Variants in PPP6R1 observed in about 807,000 individuals in gnomAD.
PPP6R1 encodes protein phosphatase 6 regulatory subunit 1.
In PPP6R1, 39 loss-of-function variants were observed where a neutral mutation model predicts 104.6. The observed-to-expected ratio is 0.37, with a 90% CI of 0.29 to 0.49. The LOEUF (loss-of-function observed/expected upper bound fraction) is 0.49, where lower values mean the gene tolerates loss of function less well. Among genes scored for constraint, PPP6R1 ranks in the 20% least tolerant of loss-of-function variants. PPP6R1 has a pLI of 0.98. For synonymous variants in PPP6R1, 549 were observed against 479.0 expected (o/e 1.15, Z -1.91); for missense variants, 1,181 against 1,155.8 (o/e 1.02, Z -0.32).
chr19:55,243,088 G>C (rs1256766140), intron 5 of PPP6R1, among the ~76,000 whole-genome samples: 1 of 152,184 alleles, frequency 6.6e-6, no homozygotes, highest in Non-Finnish European at 1.5e-5. Flanking sequence ...GGCTGGGTGT[G>C]ATGGCACATG....
chr19:55,257,577 C>G (rs755940300), intron 1 of PPP6R1, among the ~76,000 whole-genome samples: 10 of 152,202 alleles, frequency 6.6e-5, no homozygotes, highest in South Asian at 2.1e-4. Context: ...TCCTTCCCCC[C>G]CCGGAAGGCC....
rs547623587 is a variant in PPP6R1, at chr19:55,242,069, G to C, written c.845+97C>G. 4 of 1,163,864 alleles carry C rather than the reference G, an allele frequency of 3.4e-6. No homozygotes were observed. In the African/African-American group the frequency reaches 6.2e-5, roughly 18 times the overall value. The allele number at this position is 1,163,864 out of a possible 1,614,324, so 72.1% of individuals were successfully genotyped here. On this transcript the variant is annotated intron_variant, in intron 7 of 23. Coordinates refer to ENST00000412770, the MANE Select transcript of PPP6R1 (RefSeq NM_014931.4). ...AGCCACAGAGCAAGGTGCCACGGGC[G>C]GGGATTTCTCTTGGTGGACACCGAG...
At chr19:55,246,785 A>G in intron 2 of PPP6R1, 92 bp downstream of exon 2, 1 of 1,203,020 alleles carries the variant, frequency 8.3e-7, no homozygotes, top group Non-Finnish European at 1.1e-6. Context: ...GTTTACTGAC[A>G]CTGACGCATT....
intron 15 of PPP6R1, among the ~76,000 whole-genome samples, chr19:55,238,056 TTTCTTC>T (rs774594249): frequency 1.1e-4 from 17 of 152,214 alleles, no homozygotes; most frequent in Middle Eastern, 6.8e-3. Flanking sequence ...AGGGTGGGGT[TTTCTTC>T]TTTTTTTTTT....
downstream of PPP6R1, chr19:55,229,022 T>G (rs2087312567): frequency 4.9e-6 from 2 of 408,962 alleles, no homozygotes; most frequent in South Asian, 6.5e-5. Context: ...GCCTGTCCCC[T>G]TGTCCTGGGC....
At chr19:55,236,866 C>G (rs755916444) in intron 16 of PPP6R1, 45 bp from the exon 17 acceptor site, 2 of 1,612,892 alleles carry the variant, frequency 1.2e-6, no homozygotes, top group Non-Finnish European at 1.7e-6. Flanking sequence ...TGCCCACAGC[C>G]CCACACCCCT....
rs779502016 is a variant in PPP6R1, at chr19:55,231,912, C to G, written c.2196G>C (p.Glu732Asp). The change falls in exon 19 of 24, where the codon GAG becomes GAC. Residue 732 changes from glutamate (E) to aspartate (D), a missense_variant. This residue lies in a region of PPP6R1 where 1,042 missense variants were observed against 955.6 expected (regional missense o/e 1.09). Transcript: ENST00000412770. ...CTGGAGGCCCAGTGTGCAGCTCTTC[C>G]TCCCCGGAGACTCGGGGGCTGGTCG... ...DAPTSPRVSG[E>D]EELHTGPPAP... 2 of 1,543,256 alleles carry G rather than the reference C, an allele frequency of 1.3e-6. No individual in the cohort carries two copies. Among genetic ancestry groups the G allele is most frequent in the African/African-American group, 2.7e-5 (2 of 73,200 alleles).
chr19:55,234,238 T>C (rs1000646035), intron 17 of PPP6R1, among the ~76,000 whole-genome samples: 2 of 152,150 alleles, frequency 1.3e-5, no homozygotes, highest in African/African-American at 2.4e-5. Context: ...TGAGCCACCG[T>C]GCCCAACAAA....
chr19:55,235,840 C>CTTT (rs1196377498), intron 17 of PPP6R1, among the ~76,000 whole-genome samples: 8 of 113,032 alleles, frequency 7.1e-5, no homozygotes, highest in Non-Finnish European at 1.5e-4. Flanking sequence ...TTTGTTGATT[C>CTTT]TTTTTTTTTT....
intron 1 of PPP6R1, among the ~76,000 whole-genome samples, chr19:55,247,784 C>T (rs2087522641): frequency 6.6e-6 from 1 of 152,200 alleles, no homozygotes; most frequent in Non-Finnish European, 1.5e-5. Flanking sequence ...ACACCCCAAC[C>T]ATCCTCTCAC....
At position 55,239,629 on chromosome 19, in the gene PPP6R1, C is replaced by T. The variant is rs200688663; in HGVS notation, c.1618G>A (p.Glu540Lys). The change falls in exon 14 of 24, where the codon GAG becomes AAG. Residue 540 changes from glutamate (E) to lysine (K), a missense_variant. Glu to Lys is a moderately conservative substitution (Grantham distance 56). Transcript: ENST00000412770. ...ACAGCCTCCTCAGGGAAGTTGAACT[C>T]CTTGAGCCGGTCGTCCTCATCGTCA... is the stretch of plus-strand genomic sequence containing the variant. ...SSDDEDDRLK[E>K]FNFPEEAVLQ... 7.2e-4 allele frequency: 1,157 copies of T among 1,612,146 alleles called. No homozygotes were observed. The highest frequency in any genetic ancestry group is 9.3e-4 in the Non-Finnish European group (1,096 of 1,179,124).
chr19:55,241,628 A>C lies in PPP6R1; in HGVS notation c.857T>G (p.Val286Gly). The C allele has an allele frequency of 1.3e-6, 2 of 1,577,838 alleles. No homozygotes were observed. The highest frequency in any genetic ancestry group is 1.7e-6 in the Non-Finnish European group (2 of 1,163,376). ...ACTGCTGAAGAAGCTGTTCACGGTC[A>C]CGGACTCGGACCTGCAGCAGGGCAG... ...LEPRRPRSES[V>G]TVNSFFSSVD... Residue 286 changes from valine to glycine, a missense_variant, in exon 8 of 24, where the codon GTG (valine) becomes GGG (glycine). Transcript: ENST00000412770. The surrounding 1 kb of genome is among the most constrained non-coding windows in gnomAD (Gnocchi z 5.4).
At chr19:55,257,642 G>C (rs541627369) in intron 1 of PPP6R1, among the ~76,000 whole-genome samples, 2 of 152,010 alleles carry the variant, frequency 1.3e-5, no homozygotes, top group African/African-American at 4.8e-5. Context: ...GACAGAAAAA[G>C]CCGTCCGTCC....
In PPP6R1 at chr19:55,239,511, G is replaced by T. The variant is rs1214179306; in HGVS notation, c.1654-9C>A. 1.9e-6 allele frequency: 3 copies of T among 1,613,686 alleles called. No individual in the cohort carries two copies. Among genetic ancestry groups the T allele is most frequent in the East Asian group, 2.2e-5 (1 of 44,888 alleles). ...TGGAAGTCCATGAAGGCCTGTGGGG[G>T]TGCGGAGGTTAGGGCTGGAGGGAGT... On this transcript the variant is annotated splice_polypyrimidine_tract_variant and intron_variant, in intron 14 of 23. Coordinates refer to ENST00000412770, the MANE Select transcript of PPP6R1 (RefSeq NM_014931.4).
At chr19:55,256,721 G>A (rs1329826706) in intron 1 of PPP6R1, among the ~76,000 whole-genome samples, 3 of 152,200 alleles carry the variant, frequency 2.0e-5, no homozygotes, top group Non-Finnish European at 4.4e-5. Context: ...AGCATTGCAG[G>A]ACGTGCCTGT....
chr19:55,239,422 C>G lies in PPP6R1; in HGVS notation c.1734G>C (p.Glu578Asp), dbSNP rs1235199485. 6.2e-7 allele frequency: 1 copy of G among 1,613,856 alleles called. No homozygotes were observed. Among genetic ancestry groups the G allele is most frequent in the South Asian group, 1.1e-5 (1 of 91,054 alleles). The change falls in exon 15 of 24, where the codon GAG becomes GAC. Residue 578 changes from glutamate (E) to aspartate (D), a missense_variant. Coordinates refer to ENST00000412770, the MANE Select transcript of PPP6R1 (RefSeq NM_014931.4). ...ACACTCACTTCACACTCTCCTCCTG[C>G]TCCCCAAACTCCTCATCATTGAAGC... is the stretch of plus-strand genomic sequence containing the variant. Reference protein sequence around the residue: ...HFGFNDEEFGEQEESVNAPFD... With the variant: ...HFGFNDEEFGDQEESVNAPFD...
At chr19:55,255,946 G>A (rs1019483856) in intron 1 of PPP6R1, among the ~76,000 whole-genome samples, 1 of 152,216 alleles carries the variant, frequency 6.6e-6, no homozygotes, top group African/African-American at 2.4e-5. Flanking sequence ...TCAGTCATCT[G>A]CCTCCCCCTG....
At chr19:55,256,631 A>C (rs533950106) in intron 1 of PPP6R1, among the ~76,000 whole-genome samples, 9 of 152,246 alleles carry the variant, frequency 5.9e-5, no homozygotes, top group Non-Finnish European at 1.2e-4. Flanking sequence ...GCACCACAGC[A>C]GGGCACCAGA....
chr19:55,230,828 T>TG lies in PPP6R1; in HGVS notation c.2515dup (p.Gln839ProfsTer106), dbSNP rs550637760. 3.3e-5 allele frequency: 52 copies of TG among 1,592,836 alleles called. No homozygotes were observed. In the Admixed American group the frequency reaches 4.1e-4, roughly 12 times the overall value. ...TGGGCTCTTCTCCCCTTCTGTGGTCTGGGGGGGCTGGTGGGCCCCGGAGGC... is the reference window on the plus strand; with the variant it reads ...TGGGCTCTTCTCCCCTTCTGTGGTCTGGGGGGGGCTGGTGGGCCCCGGAGGC... On this transcript the variant is annotated frameshift_variant, in exon 22 of 24. Transcript: ENST00000412770. LOFTEE classifies it high-confidence loss of function.
Sources: gnomAD v4.1 joint callset for allele counts (sites outside exome capture counted in the v4.1 genomes callset) on GRCh38, gnomAD v4.1.1 for gene constraint, gnomAD v4.1.1 regional missense constraint, Gnocchi (gnomAD v3.1) non-coding constraint, MANE v1.5 for transcripts, NCBI Gene and HGNC (gene_info 2026-07-23, HGNC 2026-07-21) for gene names.